Variants in SLC27A6 observed in about 807,000 individuals in gnomAD.
SLC27A6 encodes solute carrier family 27 member 6.
A neutral mutation model predicts 63.9 loss-of-function variants in SLC27A6; 74 were observed. The observed-to-expected ratio is 1.16, with a 90% CI of 0.96 to 1.40. The LOEUF (loss-of-function observed/expected upper bound fraction) is 1.40. SLC27A6 is among the 40% of genes most tolerant of loss of function. The pLI, the probability that SLC27A6 is intolerant of heterozygous loss-of-function variation, is 0.00. For missense variants in SLC27A6, 794 were observed against 732.9 expected (o/e 1.08, Z -0.96); for synonymous variants, 287 against 260.8 (o/e 1.10, Z -0.97).
At chr5:129,030,164 TG>T (rs1752370725) in intron 9 of SLC27A6, among the ~76,000 whole-genome samples, 1 of 152,000 alleles carries the variant, frequency 6.6e-6, no homozygotes, top group Admixed American at 6.6e-5. Context: ...CCCCCTCACC[TG>T]GACCTTCCCC....
chr5:129,027,435 C>T, intron 7 of SLC27A6, 104 bp downstream of exon 7: 1 of 803,210 alleles, frequency 1.2e-6, no homozygotes, highest in South Asian at 1.7e-5. Flanking sequence ...GCAGACAGAG[C>T]CCTTTTATCT....
Position 129,028,251 on chromosome 5 carries a change from GCA to G in SLC27A6, c.1455-91_1455-90del, listed in dbSNP as rs1037914508. 4 of 766,670 alleles carry G rather than the reference GCA, an allele frequency of 5.2e-6. No individual in the cohort carries two copies. The African/African-American group carries it at 7.0e-5, about 13-fold the overall frequency. The allele number at this position is 766,670 out of a possible 1,614,324, so 47.5% of individuals were successfully genotyped here. A position where few individuals can be genotyped will look rare whatever the true frequency, so the allele number is the denominator to read the frequency against. On this transcript the variant is annotated intron_variant, in intron 7 of 9. Coordinates refer to ENST00000262462, the MANE Select transcript of SLC27A6 (RefSeq NM_001017372.3). ...CAATTATGTTGGTCAGTAGGTGCTT[GCA>G]CAGTGCCAAATGCAAGACATTAAAA... is the stretch of plus-strand genomic sequence containing the variant.
At chr5:129,012,783 G>A (rs1181971) in intron 4 of SLC27A6, among the ~76,000 whole-genome samples, 36,854 of 151,780 alleles carry the variant, frequency 0.24, 5,703 homozygotes, top group Non-Finnish European at 0.35. Context: ...ATGATTGTAT[G>A]GCTTACCTTT....
At chr5:128,996,448 T>TA (rs1182690389) in intron 4 of SLC27A6, among the ~76,000 whole-genome samples, 1 of 152,216 alleles carries the variant, frequency 6.6e-6, no homozygotes, top group Non-Finnish European at 1.5e-5. Context: ...ACTCCCATTA[T>TA]AAAAAGAGAG....
chr5:129,016,144 AC>A, intron 5 of SLC27A6, 65 bp downstream of exon 5: 10 of 1,162,300 alleles, frequency 8.6e-6, no homozygotes, highest in Non-Finnish European at 1.2e-5. Flanking sequence ...TGTAATCCCA[AC>A]ACTTTGGGAC....
intron 5 of SLC27A6, among the ~76,000 whole-genome samples, chr5:129,023,084 G>T (rs963504444): frequency 6.6e-6 from 1 of 151,964 alleles, no homozygotes; most frequent in African/African-American, 2.4e-5. Flanking sequence ...ACAGTGAAAG[G>T]CTCAGGGGAA....
intron 4 of SLC27A6, among the ~76,000 whole-genome samples, chr5:128,994,499 T>A (rs903462840): frequency 3.9e-5 from 6 of 152,190 alleles, no homozygotes; most frequent in African/African-American, 1.4e-4. Context: ...TTCCTTTCAA[T>A]GACATTCCCT....
At chr5:128,970,626 G>GT (rs1750111107) in intron 1 of SLC27A6, among the ~76,000 whole-genome samples, 1 of 151,856 alleles carries the variant, frequency 6.6e-6, no homozygotes, top group Non-Finnish European at 1.5e-5. Flanking sequence ...ATTTTTTATT[G>GT]TGTCTATTTG....
chr5:129,030,386 A>AT (rs903594666), intron 9 of SLC27A6, among the ~76,000 whole-genome samples: 36 of 151,562 alleles, frequency 2.4e-4, no homozygotes, highest in African/African-American at 5.6e-4. Context: ...AACCACACAG[A>AT]TTTTTTTTTC....
At position 129,028,376 on chromosome 5, in the gene SLC27A6, G is replaced by T; in HGVS notation, c.1486G>T (p.Val496Phe). Residue 496 changes from valine (V) to phenylalanine (F), a missense_variant, in exon 8 of 10, where the codon GTT (valine) becomes TTT (phenylalanine). Val to Phe is a conservative substitution (Grantham distance 50). Transcript: ENST00000262462. Reference protein sequence around the residue: ...WKGENVATTEVADVIGMLDFI... With the variant: ...WKGENVATTEFADVIGMLDFI... ...AGGAGAAAATGTCGCAACCACTGAG[G>T]TTGCTGATGTTATTGGAATGTTGGA... 1 of 1,611,126 alleles carries T rather than the reference G, an allele frequency of 6.2e-7. No homozygotes were observed. Among genetic ancestry groups the T allele is most frequent in the South Asian group, 1.1e-5 (1 of 90,970 alleles).
intron 9 of SLC27A6, 45 bp downstream of exon 9, chr5:129,029,752 C>G (rs1299651730): frequency 6.5e-7 from 1 of 1,526,746 alleles, no homozygotes. Flanking sequence ...AGACAGTAAA[C>G]AAGGAAGTAG....
intron 4 of SLC27A6, among the ~76,000 whole-genome samples, chr5:128,991,630 T>A (rs955913544): frequency 2.6e-5 from 4 of 152,226 alleles, no homozygotes; most frequent in Non-Finnish European, 5.9e-5. Flanking sequence ...AAAAAATAAC[T>A]ACTGACCACT....
intron 1 of SLC27A6, among the ~76,000 whole-genome samples, chr5:128,980,967 A>G (rs1163062815): frequency 6.6e-6 from 1 of 152,212 alleles, no homozygotes; most frequent in Non-Finnish European, 1.5e-5. Flanking sequence ...AAAAATGTGA[A>G]TAAGATCTAA....
intron 4 of SLC27A6, among the ~76,000 whole-genome samples, chr5:129,001,263 A>G (rs1751322867): frequency 6.6e-6 from 1 of 152,140 alleles, no homozygotes; most frequent in Non-Finnish European, 1.5e-5. Context: ...TGCTTCAGTA[A>G]AAGAAAATCT....
chr5:128,992,534 A>G (rs896907466), intron 4 of SLC27A6, among the ~76,000 whole-genome samples: 5 of 152,208 alleles, frequency 3.3e-5, no homozygotes, highest in Non-Finnish European at 7.3e-5. Flanking sequence ...GAGTGCTTCA[A>G]ATAACTATAG....
intron 1 of SLC27A6, among the ~76,000 whole-genome samples, chr5:128,968,940 A>G (rs925382560): frequency 6.6e-6 from 1 of 152,236 alleles, no homozygotes; most frequent in South Asian, 2.1e-4. Flanking sequence ...TAAATTTTGT[A>G]TAAGGTGTAA....
At chr5:128,972,403 C>T (rs1031190382) in intron 1 of SLC27A6, among the ~76,000 whole-genome samples, 1 of 152,212 alleles carries the variant, frequency 6.6e-6, no homozygotes, top group African/African-American at 2.4e-5. Context: ...GTACACCAAT[C>T]AAACGTAGAT....
chr5:129,002,526 C>CGT (rs1751378711), intron 4 of SLC27A6, among the ~76,000 whole-genome samples: 1 of 151,364 alleles, frequency 6.6e-6, no homozygotes, highest in African/African-American at 2.4e-5. Flanking sequence ...CCCTCCCTCT[C>CGT]TCCCACCCTC....
At chr5:128,976,201 A>G (rs1750372039) in intron 1 of SLC27A6, among the ~76,000 whole-genome samples, 1 of 152,194 alleles carries the variant, frequency 6.6e-6, no homozygotes, top group African/African-American at 2.4e-5. Flanking sequence ...ATCGGCATAC[A>G]TAACACTTTC....
Sources: gnomAD v4.1 joint callset for allele counts (sites outside exome capture counted in the v4.1 genomes callset) on GRCh38, gnomAD v4.1.1 for gene constraint, MANE v1.5 for transcripts, NCBI Gene and HGNC (gene_info 2026-07-23, HGNC 2026-07-21) for gene names.